SLC20A2: variants seen among roughly 807,000 people sequenced by gnomAD.
The protein encoded by SLC20A2 is sodium-dependent phosphate transporter 2.
Under a neutral mutation model 61.0 loss-of-function variants are expected in SLC20A2, and 30 were observed. That is an observed-to-expected ratio of 0.49 (90% confidence interval 0.37 to 0.67). The LOEUF is 0.67. SLC20A2 is among the 30% of genes least tolerant of loss of function. The pLI is 0.00. For missense variants in SLC20A2, 626 were observed against 866.4 expected (o/e 0.72, Z 3.48); for synonymous variants, 351 against 353.3 (o/e 0.99, Z 0.07).
chr8:42,424,722 T>A (rs1167860479), intron 10 of SLC20A2, among the ~76,000 whole-genome samples: 1 of 152,236 alleles, frequency 6.6e-6, no homozygotes, highest in East Asian at 1.9e-4. Context: ...GTTTCATAAA[T>A]GTTTTGAAAT....
At chr8:42,466,349 G>A (rs979981857) in intron 2 of SLC20A2, among the ~76,000 whole-genome samples, 2 of 152,182 alleles carry the variant, frequency 1.3e-5, no homozygotes, top group Non-Finnish European at 2.9e-5. Context: ...GCCTCCCAAA[G>A]TGCTGGGATT....
chr8:42,533,654 C>CTTTTTTTCTTTTTTCTTTTTTTTT (rs1253260874), intron 1 of SLC20A2, among the ~76,000 whole-genome samples: 1 of 55,310 alleles, frequency 1.8e-5, no homozygotes, highest in African/African-American at 8.1e-5. Flanking sequence ...ATCAACTGTT[C>CTTTTTTTCTTTTTTCTTTTTTTTT]TTTTTTTTTT....
chr8:42,437,577 C>A lies in SLC20A2; in HGVS notation c.935G>T (p.Gly312Val). 7 of 1,584,610 alleles carry A rather than the reference C, an allele frequency of 4.4e-6. No homozygotes were observed. Among genetic ancestry groups the A allele is most frequent in the Non-Finnish European group, 5.1e-6 (6 of 1,167,620 alleles). The change falls in exon 8 of 11, where the codon GGA becomes GTA. Residue 312 changes from glycine to valine, a missense_variant and splice_region_variant. Around this residue, in one of 3 missense-constraint regions of SLC20A2, gnomAD observed 361 missense variants for 422.3 expected, o/e 0.85. Coordinates refer to ENST00000520262, the MANE Select transcript of SLC20A2 (RefSeq NM_001257180.2). The surrounding 1 kb of genome is among the most constrained non-coding windows in gnomAD (Gnocchi z 6.4). ...SAGSHPRAAY[G>V]RALSMTHGSV... ...GCCATGGGTCATGGACAGTGCTCTT[C>A]CTGAAAAGGGTTAGAGAAGGTCTCA...
At chr8:42,527,308 CT>C (rs1411706832) in intron 1 of SLC20A2, among the ~76,000 whole-genome samples, 1 of 150,326 alleles carries the variant, frequency 6.7e-6, no homozygotes, top group Non-Finnish European at 1.5e-5. Context: ...GGAGGCTGAG[CT>C]TGCGGTGAGC....
At chr8:42,508,426 G>A (rs1424131627) in intron 1 of SLC20A2, among the ~76,000 whole-genome samples, 1 of 152,136 alleles carries the variant, frequency 6.6e-6, no homozygotes, top group Non-Finnish European at 1.5e-5. Flanking sequence ...GTCTCGCTCT[G>A]TAACCCCAGG....
chr8:42,502,277 C>T (rs1810373933), upstream of SLC20A2: 1 of 152,108 alleles, frequency 6.6e-6, no homozygotes, highest in African/African-American at 2.4e-5. Flanking sequence ...CCGTATTAAC[C>T]ACTTACCTAT....
chr8:42,488,369 TA>T (rs1430443900), intron 1 of SLC20A2, among the ~76,000 whole-genome samples: 1 of 151,806 alleles, frequency 6.6e-6, no homozygotes. Flanking sequence ...TTTGTATTTT[TA>T]GTAGAGACGG....
At chr8:42,482,253 T>C (rs1478270030) in intron 1 of SLC20A2, among the ~76,000 whole-genome samples, 1 of 152,200 alleles carries the variant, frequency 6.6e-6, no homozygotes, top group African/African-American at 2.4e-5. Context: ...ATTTTATTTG[T>C]TATTTTCCTT....
At chr8:42,448,582 G>A (rs538779855) in intron 5 of SLC20A2, among the ~76,000 whole-genome samples, 22 of 152,252 alleles carry the variant, frequency 1.4e-4, no homozygotes, top group African/African-American at 4.1e-4. Flanking sequence ...CACCTTTGCC[G>A]TCACACCTGC....
chr8:42,420,929 A>T (rs1802996981), intron 10 of SLC20A2, among the ~76,000 whole-genome samples: 2 of 152,222 alleles, frequency 1.3e-5, no homozygotes, highest in Non-Finnish European at 2.9e-5. Context: ...TACGTCAGGT[A>T]AGGCTAGTTC....
intron 1 of SLC20A2, among the ~76,000 whole-genome samples, chr8:42,491,953 T>C (rs111841864): frequency 0.016 from 2,411 of 152,304 alleles, 42 homozygotes; most frequent in African/African-American, 0.046. Flanking sequence ...TGCTGATGTC[T>C]TGGGAATTGT....
intron 5 of SLC20A2, among the ~76,000 whole-genome samples, chr8:42,449,238 A>G (rs1805467211): frequency 6.6e-6 from 1 of 152,096 alleles, no homozygotes; most frequent in African/African-American, 2.4e-5. Flanking sequence ...GTGTTCACTC[A>G]GCCAAAAGTA....
chr8:42,440,218 A>C (rs1013028565), intron 6 of SLC20A2, among the ~76,000 whole-genome samples: 2 of 152,176 alleles, frequency 1.3e-5, no homozygotes, highest in Non-Finnish European at 2.9e-5. Context: ...CAAAAACAAC[A>C]ACCAAAAAAG....
intron 5 of SLC20A2, among the ~76,000 whole-genome samples, chr8:42,446,765 G>C (rs1805244670): frequency 6.6e-6 from 1 of 151,710 alleles, no homozygotes; most frequent in African/African-American, 2.4e-5. Context: ...GACTGGAGTG[G>C]GAATTTCACT....
chr8:42,510,287 T>C (rs2131372264), intron 1 of SLC20A2, among the ~76,000 whole-genome samples: 1 of 152,344 alleles, frequency 6.6e-6, no homozygotes, highest in South Asian at 2.1e-4. Context: ...TCTTACAGTA[T>C]TTATTTGTTT....
chr8:42,419,008 C>CAAA (rs778981433), intron 10 of SLC20A2, among the ~76,000 whole-genome samples: 51 of 64,012 alleles, frequency 8.0e-4, no homozygotes, highest in East Asian at 5.7e-3. Context: ...GACTCTGTCT[C>CAAA]AAAAAAAAAA....
chr8:42,462,309 G>C (rs931233105), intron 4 of SLC20A2, among the ~76,000 whole-genome samples: 1 of 152,174 alleles, frequency 6.6e-6, no homozygotes, highest in African/African-American at 2.4e-5. Flanking sequence ...CCCTTCAACA[G>C]ATGGCCAAGC....
chr8:42,529,842 T>C (rs1812211655), intron 1 of SLC20A2, among the ~76,000 whole-genome samples: 1 of 152,196 alleles, frequency 6.6e-6, no homozygotes, highest in African/African-American at 2.4e-5. Context: ...TTCCTCTCTC[T>C]GAATCGATAC....
Position 42,472,471 on chromosome 8 carries a change from G to T in SLC20A2, c.-81C>A. 7.7e-7 allele frequency: 1 copy of T among 1,298,592 alleles called. No individual in the cohort carries two copies. Among genetic ancestry groups the T allele is most frequent in the East Asian group, 2.4e-5 (1 of 41,732 alleles). 80.4% of individuals were successfully genotyped at this position (1,298,592 alleles called of 1,614,324 possible). On this transcript the variant is annotated 5_prime_UTR_variant, in exon 2 of 11. Transcript: ENST00000520262. The surrounding 1 kb of genome is among the most constrained non-coding windows in gnomAD (Gnocchi z 4.1). ...AGCTTGAGGTTATAAACTTCGTAAG[G>T]CCAAGAGTTCTTGTAAACAGTGAGT...
Sources: allele counts gnomAD v4.1 joint callset (sites outside exome capture counted in the v4.1 genomes callset), GRCh38; gene constraint gnomAD v4.1.1; regional missense constraint gnomAD v4.1.1; non-coding constraint Gnocchi (gnomAD v3.1); transcripts MANE v1.5; gene names NCBI Gene and HGNC (gene_info 2026-07-23, HGNC 2026-07-21).